Variants in ANKS1A observed in about 807,000 individuals in gnomAD.
The protein encoded by ANKS1A is ankyrin repeat and SAM domain-containing protein 1A.
ANKS1A carries 55 observed loss-of-function variants against 120.3 expected under a neutral mutation model. The ratio of observed to expected loss-of-function variants is 0.46; its 90% confidence interval spans 0.37 to 0.57. The LOEUF (loss-of-function observed/expected upper bound fraction) is 0.57. ANKS1A is among the 20% of genes least tolerant of loss of function. ANKS1A has a pLI of 0.00. For missense variants in ANKS1A, 1,123 were observed against 1,480.3 expected (o/e 0.76, Z 3.96); for synonymous variants, 590 against 604.7 (o/e 0.98, Z 0.36).
Position 35,079,678 on chromosome 6 carries a change from C to G in ANKS1A, c.2436+10C>G. 6.2e-7 allele frequency: 1 copy of G among 1,614,070 alleles called. No homozygotes were observed. Among genetic ancestry groups the G allele is most frequent in the South Asian group, 1.1e-5 (1 of 91,068 alleles). On this transcript the variant is annotated intron_variant, in intron 15 of 23. Coordinates refer to ENST00000360359, the MANE Select transcript of ANKS1A (RefSeq NM_015245.3). ...GCTAGAGCTCGTCAATGTGAGTAGT[C>G]CCTGCGTGGCCCGGCCTGGACTCTC... is the stretch of plus-strand genomic sequence containing the variant.
chr6:35,012,727 C>G (rs2127554346), intron 10 of ANKS1A, among the ~76,000 whole-genome samples: 1 of 152,300 alleles, frequency 6.6e-6, no homozygotes, highest in South Asian at 2.1e-4. Flanking sequence ...CAGTAGCTCA[C>G]AGGGTATAAG....
chr6:35,020,339 T>A (rs1774270444), intron 11 of ANKS1A, among the ~76,000 whole-genome samples: 1 of 152,238 alleles, frequency 6.6e-6, no homozygotes, highest in South Asian at 2.1e-4. Flanking sequence ...AAACTAGAGA[T>A]GATTTAGAAT....
chr6:35,018,184 G>A (rs747162773), intron 11 of ANKS1A, 125 bp downstream of exon 11: 19 of 893,758 alleles, frequency 2.1e-5, no homozygotes, highest in Middle Eastern at 3.5e-4. Context: ...CCTTCACTCC[G>A]TAACTAATGT....
intron 11 of ANKS1A, among the ~76,000 whole-genome samples, chr6:35,026,965 G>A (rs1774659289): frequency 6.6e-6 from 1 of 152,068 alleles, no homozygotes; most frequent in South Asian, 2.1e-4. Context: ...CTTGATCATT[G>A]TTCTTGTTGT....
intron 9 of ANKS1A, among the ~76,000 whole-genome samples, chr6:34,991,583 T>G (rs920613357): frequency 1.4e-5 from 2 of 141,138 alleles, no homozygotes; most frequent in Non-Finnish European, 1.5e-5. Context: ...CACACACATA[T>G]ACACATATAT....
intron 9 of ANKS1A, among the ~76,000 whole-genome samples, chr6:34,993,831 G>T (rs1412817722): frequency 6.6e-6 from 1 of 152,234 alleles, no homozygotes; most frequent in Non-Finnish European, 1.5e-5. Context: ...ATGGCTAAGA[G>T]CTGCTTGGCA....
chr6:34,928,633 G>A (rs1768830301), intron 1 of ANKS1A, among the ~76,000 whole-genome samples: 1 of 151,942 alleles, frequency 6.6e-6, no homozygotes, highest in African/African-American at 2.4e-5. Flanking sequence ...TATTAGGAGG[G>A]TAGAGTGTTA....
At chr6:35,042,880 T>A (rs1439012767) in intron 11 of ANKS1A, among the ~76,000 whole-genome samples, 1 of 152,254 alleles carries the variant, frequency 6.6e-6, no homozygotes, top group Non-Finnish European at 1.5e-5. Flanking sequence ...TCCATGGTTA[T>A]ATTTGGGGGA....
intron 11 of ANKS1A, among the ~76,000 whole-genome samples, chr6:35,032,546 A>T (rs1479146069): frequency 6.6e-6 from 1 of 152,196 alleles, no homozygotes; most frequent in Non-Finnish European, 1.5e-5. Context: ...GTCCTTGATT[A>T]AGGGCCTCAG....
chr6:35,007,133 G>C (rs1773502483), intron 10 of ANKS1A, among the ~76,000 whole-genome samples: 2 of 152,180 alleles, frequency 1.3e-5, no homozygotes, highest in South Asian at 4.1e-4. Context: ...TGTTTTGGGG[G>C]CGTTTTGGTC....
rs559163482 is a variant in ANKS1A at position 35,074,412 on chromosome 6, C to T, written c.2185-4146C>T. ...CTTAGGGGTTCAAGACCAGCTTGGG[C>T]AACATAGTGAGACCCCATCTCTACA... is the stretch of plus-strand genomic sequence containing the variant. On this transcript the variant is annotated intron_variant, in intron 13 of 23. Coordinates refer to ENST00000360359, the MANE Select transcript of ANKS1A (RefSeq NM_015245.3). 1.7e-4 allele frequency among the ~76,000 whole-genome samples: 26 copies of T among 150,340 alleles called. No homozygotes were observed. In the East Asian group the frequency reaches 2.4e-3, roughly 14 times the overall value.
chr6:35,080,340 T>A (rs1300267265), intron 16 of ANKS1A, among the ~76,000 whole-genome samples: 1 of 152,198 alleles, frequency 6.6e-6, no homozygotes, highest in Non-Finnish European at 1.5e-5. Flanking sequence ...TCACCCATGA[T>A]CTGTTGCTCC....
chr6:34,978,571 C>T (rs756764013), intron 3 of ANKS1A, among the ~76,000 whole-genome samples: 1 of 151,988 alleles, frequency 6.6e-6, no homozygotes, highest in Non-Finnish European at 1.5e-5. Context: ...TTTGGGAGGC[C>T]GAGGCGGGCA....
chr6:34,934,416 G>C (rs1769146148), intron 1 of ANKS1A, among the ~76,000 whole-genome samples: 1 of 152,198 alleles, frequency 6.6e-6, no homozygotes, highest in Admixed American at 6.5e-5. Context: ...CCAAAGTGCT[G>C]GGATTACAGG....
At chr6:34,915,135 T>C (rs1157486844) in intron 1 of ANKS1A, among the ~76,000 whole-genome samples, 1 of 152,226 alleles carries the variant, frequency 6.6e-6, no homozygotes, top group Non-Finnish European at 1.5e-5. Context: ...CTTATATTCA[T>C]TTCCAGGGTC....
At position 35,089,333 on chromosome 6, in the gene ANKS1A, T is replaced by C. The variant is rs981302744; in HGVS notation, c.*724T>C. 3.0e-6 allele frequency: 3 copies of C among 987,090 alleles called. No individual in the cohort carries two copies. In the African/African-American group the frequency reaches 5.2e-5, roughly 17 times the overall value. 61.1% of individuals were successfully genotyped at this position (987,090 alleles called of 1,614,324 possible). ...ATGAAGATAAGTGTGCAGTTTCTAG[T>C]GCTGGGAAGTCTTAGCCAGCACCAG... On this transcript the variant is annotated 3_prime_UTR_variant, in exon 24 of 24. Transcript: ENST00000360359.
rs1203621192 is a variant in ANKS1A, at chr6:35,082,771, C to T, written c.2790C>T (p.His930=). Reference sequence around the variant, plus strand: ...ACGCCCCAGTGCAGAGTTGGCAACACCAGCCAGAGAAACTCATCTTCGAGT... The same window carrying T: ...ACGCCCCAGTGCAGAGTTGGCAACATCAGCCAGAGAAACTCATCTTCGAGT... ...APYAPVQSWQ[H]QPEKLIFESC... is the part of the protein sequence containing the mutation. The change falls in exon 18 of 24, where the codon CAC becomes CAT. Residue 930 remains histidine (H), a synonymous_variant. Coordinates refer to ENST00000360359, the MANE Select transcript of ANKS1A (RefSeq NM_015245.3). This position sits in a 1 kb window ranked among gnomAD's most constrained non-coding sequence, Gnocchi z 4.1. 6.2e-7 allele frequency: 1 copy of T among 1,613,956 alleles called. No homozygotes were observed. Among genetic ancestry groups the T allele is most frequent in the Admixed American group, 1.7e-5 (1 of 59,990 alleles).
chr6:35,086,057 G>T lies in ANKS1A; in HGVS notation c.3303+121G>T. 7.3e-7 allele frequency: 1 copy of T among 1,374,832 alleles called. No individual in the cohort carries two copies. Among genetic ancestry groups the T allele is most frequent in the East Asian group, 2.5e-5 (1 of 39,918 alleles). 85.2% of individuals were successfully genotyped at this position (1,374,832 alleles called of 1,614,324 possible). A position where few individuals can be genotyped will look rare whatever the true frequency, so the allele number is the denominator to read the frequency against. On this transcript the variant is annotated intron_variant, in intron 22 of 23. Coordinates refer to ENST00000360359, the MANE Select transcript of ANKS1A (RefSeq NM_015245.3). This position sits in a 1 kb window ranked among gnomAD's most constrained non-coding sequence, Gnocchi z 5.1. ...CAGAAAGCTGGCCCTCCAGGGAAAT[G>T]ACCCTCTTAATTGTCCCCCAACCCT...
downstream of ANKS1A, among the ~76,000 whole-genome samples, chr6:35,092,622 A>G (rs1778342858): frequency 6.6e-6 from 1 of 152,214 alleles, no homozygotes; most frequent in Non-Finnish European, 1.5e-5. Context: ...TTTCCTAAGC[A>G]GAAGAAACCT....
Sources: gnomAD v4.1 joint callset for allele counts (sites outside exome capture counted in the v4.1 genomes callset) on GRCh38, gnomAD v4.1.1 for gene constraint, Gnocchi (gnomAD v3.1) non-coding constraint, MANE v1.5 for transcripts, NCBI Gene and HGNC (gene_info 2026-07-23, HGNC 2026-07-21) for gene names.